DTX2: variants seen among roughly 807,000 people sequenced by gnomAD.
DTX2 encodes deltex E3 ubiquitin ligase 2.
A neutral mutation model predicts 55.3 loss-of-function variants in DTX2; 29 were observed. The ratio of observed to expected loss-of-function variants is 0.52; its 90% CI spans 0.39 to 0.71. The LOEUF is 0.71. DTX2 is among the 30% of genes least tolerant of loss of function. The probability of loss-of-function intolerance (pLI) is 0.00; values close to 1 mark genes in which losing one functional copy is unlikely to be tolerated. For missense variants in DTX2, 537 were observed against 822.5 expected (o/e 0.65, Z 4.25); for synonymous variants, 276 against 340.4 (o/e 0.81, Z 2.08).
At chr7:76,481,218 G>C (rs1320938595) in intron 3 of DTX2, among the ~76,000 whole-genome samples, 2 of 151,568 alleles carry the variant, frequency 1.3e-5, no homozygotes, top group Middle Eastern at 3.4e-3. Flanking sequence ...ACGGAGTCTG[G>C]CTCTGTTGCC....
intron 2 of DTX2, among the ~76,000 whole-genome samples, chr7:76,474,348 C>T (rs1808303179): frequency 6.6e-6 from 1 of 152,000 alleles, no homozygotes; most frequent in Non-Finnish European, 1.5e-5. Context: ...AGCCACCACG[C>T]TTGGCCTGTT....
Position 76,483,004 on chromosome 7 carries a change from C to A in DTX2, c.765C>A (p.Ala255=), listed in dbSNP as rs1035488033. The A allele has an allele frequency of 1.2e-6, 2 of 1,613,414 alleles. No individual in the cohort carries two copies. Among genetic ancestry groups the A allele is most frequent in the African/African-American group, 2.7e-5 (2 of 74,924 alleles). ...APYNKPSLSG[A]RSAPRLNTTN... ...ACAACAAACCCTCACTCTCCGGGGCCCGGTCTGCGCCCAGGCTGAACACCA... is the reference window on the plus strand; with the variant it reads ...ACAACAAACCCTCACTCTCCGGGGCACGGTCTGCGCCCAGGCTGAACACCA... The change falls in exon 4 of 11, where the codon GCC becomes GCA. Residue 255 remains alanine, a synonymous_variant. Coordinates refer to ENST00000430490, the MANE Select transcript of DTX2 (RefSeq NM_001102594.3).
intron 4 of DTX2, among the ~76,000 whole-genome samples, chr7:76,486,846 G>GGCTGCTGCTGCTGCTGCT (rs370235862): frequency 1.0e-4 from 8 of 79,830 alleles, no homozygotes; most frequent in African/African-American, 3.4e-4. Context: ...TGTTGTGGTG[G>GGCTGCTGCTGCTGCTGCT]GCTGCTGCTG....
At chr7:76,483,410 G>A (rs369939692) in intron 4 of DTX2, among the ~76,000 whole-genome samples, 37 of 152,156 alleles carry the variant, frequency 2.4e-4, no homozygotes, top group African/African-American at 8.2e-4. Flanking sequence ...TCCACATGGA[G>A]CAGAGTTAAA....
In DTX2 at chr7:76,497,435, A is replaced by C; in HGVS notation, c.1108A>C (p.Ser370Arg). The change falls in exon 6 of 11, where the codon AGT (serine) becomes CGT (arginine). Residue 370 changes from serine (S) to arginine (R), a missense_variant. Ser to Arg is a moderately radical substitution (Grantham distance 110). Around this residue, in one of 7 missense-constraint regions of DTX2, gnomAD observed 5 missense variants for 87.2 expected, o/e 0.06. Transcript: ENST00000430490. ...TCCCGCCTCCCGTCTGGCTTCCAAA[A>C]GTCACGGCTCAGTTAAGAGATTGAG... Reference protein sequence around the residue: ...SPPASRLASKSHGSVKRLRKM... With the variant: ...SPPASRLASKRHGSVKRLRKM... The C allele has an allele frequency of 1.3e-6, 2 of 1,557,724 alleles. No individual in the cohort carries two copies. Among genetic ancestry groups the C allele is most frequent in the East Asian group, 2.3e-5 (1 of 43,862 alleles).
intron 2 of DTX2, 46 bp from the exon 3 acceptor site, chr7:76,480,375 G>A (rs1025229365): frequency 9.0e-7 from 1 of 1,115,004 alleles, no homozygotes; most frequent in Middle Eastern, 3.1e-4. Flanking sequence ...ATTCTGCAGG[G>A]CTACTGATGT....
intron 7 of DTX2, chr7:76,501,809 G>A (rs1811723027): frequency 5.7e-6 from 1 of 176,400 alleles, no homozygotes; most frequent in Non-Finnish European, 1.2e-5. Context: ...CTGCTGTCAT[G>A]TCGGGCCTGT....
rs1809056821 is a variant in DTX2, at chr7:76,480,523, C to G, written c.14C>G (p.Pro5Arg). 1 of 1,604,326 alleles carries G rather than the reference C, an allele frequency of 6.2e-7. No homozygotes were observed. Among genetic ancestry groups the G allele is most frequent in the Admixed American group, 1.7e-5 (1 of 59,320 alleles). The change falls in exon 3 of 11, where the codon CCA becomes CGA. Residue 5 changes from proline (P) to arginine (R), a missense_variant. Pro to Arg is a moderately radical substitution (Grantham distance 103). This residue lies in a region of DTX2 where 301 missense variants were observed against 396.6 expected (regional missense o/e 0.76). Coordinates refer to ENST00000430490, the MANE Select transcript of DTX2 (RefSeq NM_001102594.3). The part of the protein sequence containing the change: MAMA[P>R]SPSLVQVYTS... ...CTCCTTGGGAAGATGGCCATGGCCC[C>G]AAGCCCTTCCCTGGTGCAGGTGTAC...
chr7:76,482,429 C>T (rs1232994858), intron 3 of DTX2, 79 bp from the exon 4 acceptor site: 19 of 1,410,838 alleles, frequency 1.3e-5, no homozygotes, highest in East Asian at 9.2e-5. Context: ...TTTATTTTGG[C>T]GGTTGAAAAA....
rs1175787437 is a variant in DTX2, at chr7:76,482,725, C to T, written c.486C>T (p.Thr162=). ...TCAACTACACCACCCACACGCAGAC[C>T]AACAAGACTTCCAGCTTCTGCCGCA... ...YTVNYTTHTQ[T]NKTSSFCRSV... is the part of the protein sequence containing the mutation. Residue 162 remains threonine, a synonymous_variant, in exon 4 of 11, where the codon ACC becomes ACT. Transcript: ENST00000430490. The T allele has an allele frequency of 5.6e-6, 9 of 1,613,760 alleles. No individual in the cohort carries two copies. The African/African-American group carries it at 1.2e-4, about 22-fold the overall frequency.
In DTX2 at chr7:76,505,658, G is replaced by C. The variant is rs1426852869; in HGVS notation, c.*57G>C. 2 of 1,509,342 alleles carry C rather than the reference G, an allele frequency of 1.3e-6. No homozygotes were observed. The highest frequency in any genetic ancestry group is 2.8e-5 in the African/African-American group (2 of 72,428). The allele number at this position is 1,509,342 out of a possible 1,614,324, so 93.5% of individuals were successfully genotyped here. A position where few individuals can be genotyped will look rare whatever the true frequency, so the allele number is the denominator to read the frequency against. ...CCACCCCGCTGCCCCATGGCTGGCT[G>C]GGTGGCCAGGCAGGAAGTGCCCAGC... On this transcript the variant is annotated 3_prime_UTR_variant, in exon 11 of 11. Transcript: ENST00000430490. This position sits in a 1 kb window ranked among gnomAD's most constrained non-coding sequence, Gnocchi z 4.4.
chr7:76,500,815 C>T (rs1213112050), intron 7 of DTX2, among the ~76,000 whole-genome samples: 2 of 152,208 alleles, frequency 1.3e-5, no homozygotes, highest in African/African-American at 2.4e-5. Flanking sequence ...AGGGATGGGC[C>T]AGCCTGCCCC....
intron 2 of DTX2, chr7:76,476,945 T>A (rs537391929): frequency 6.6e-6 from 1 of 152,224 alleles, no homozygotes; most frequent in Admixed American, 6.5e-5. Context: ...TTTCCCAGGC[T>A]GTTTTTGCAG....
At chr7:76,467,017 C>T (rs1807260390) in intron 2 of DTX2, among the ~76,000 whole-genome samples, 1 of 152,096 alleles carries the variant, frequency 6.6e-6, no homozygotes, top group South Asian at 2.1e-4. Flanking sequence ...CCATCCCCTT[C>T]AGCCTCCTGA....
intron 7 of DTX2, 120 bp downstream of exon 7, chr7:76,500,640 T>A: frequency 3.9e-6 from 2 of 513,022 alleles, no homozygotes; most frequent in Non-Finnish European, 7.2e-6. Flanking sequence ...TGCCAGGGCC[T>A]TGCTCCAGCC....
At chr7:76,472,506 T>C (rs1808047172) in intron 2 of DTX2, among the ~76,000 whole-genome samples, 1 of 147,630 alleles carries the variant, frequency 6.8e-6, no homozygotes, top group Non-Finnish European at 1.5e-5. Flanking sequence ...TTTGTATTTT[T>C]AGTAGAGACG....
chr7:76,486,650 T>C (rs1809930179), intron 4 of DTX2, among the ~76,000 whole-genome samples: 2 of 120,248 alleles, frequency 1.7e-5, no homozygotes, highest in African/African-American at 6.3e-5. Flanking sequence ...TTCCTAAATG[T>C]GTCATGCATG....
chr7:76,503,613 C>T, intron 9 of DTX2, 26 bp downstream of exon 9: 1 of 1,589,856 alleles, frequency 6.3e-7, no homozygotes, highest in Non-Finnish European at 8.6e-7. Flanking sequence ...GAGTCCCCCA[C>T]TCCTGGCCAC....
At position 76,482,488 on chromosome 7, in the gene DTX2, T is replaced by C. The variant is rs753029476; in HGVS notation, c.269-20T>C. 10 of 1,560,088 alleles carry C rather than the reference T, an allele frequency of 6.4e-6. No individual in the cohort carries two copies. The highest frequency in any genetic ancestry group is 1.7e-4 in the Middle Eastern group (1 of 5,798). On this transcript the variant is annotated intron_variant, in intron 3 of 10. Transcript: ENST00000430490. ...TTGGGGATGCTAGCAGACTAACCTT[T>C]TGTTTTCCTTTGAAAATAGGCACCA...
Sources: gnomAD v4.1 joint callset for allele counts (sites outside exome capture counted in the v4.1 genomes callset) on GRCh38, gnomAD v4.1.1 for gene constraint, gnomAD v4.1.1 regional missense constraint, Gnocchi (gnomAD v3.1) non-coding constraint, MANE v1.5 for transcripts, NCBI Gene and HGNC (gene_info 2026-07-23, HGNC 2026-07-21) for gene names.